RARS2: variants seen among roughly 807,000 people sequenced by gnomAD.
The protein encoded by RARS2 is arginyl-tRNA synthetase 2, mitochondrial.
In RARS2, 67 loss-of-function variants were observed where a neutral mutation model predicts 88.5. That is an observed-to-expected ratio of 0.76 (90% CI 0.62 to 0.93). The LOEUF is 0.93. RARS2 is among the 40% of genes least tolerant of loss of function. The pLI, the probability that RARS2 is intolerant of heterozygous loss-of-function variation, is 0.00. For synonymous variants in RARS2, 239 were observed against 230.3 expected (o/e 1.04, Z -0.34); for missense variants, 664 against 684.2 (o/e 0.97, Z 0.33).
chr6:87,532,428 T>C (rs114049760), intron 8 of RARS2, among the ~76,000 whole-genome samples: 2 of 152,184 alleles, frequency 1.3e-5, no homozygotes, highest in Admixed American at 6.5e-5. Flanking sequence ...TTCTGGGAGT[T>C]TGGGATTTAG....
chr6:87,516,954 G>T, intron 17 of RARS2, 74 bp from the exon 18 acceptor site: 1 of 1,593,212 alleles, frequency 6.3e-7, no homozygotes, highest in Non-Finnish European at 8.6e-7. Flanking sequence ...TTAAAAGATT[G>T]TGAATATAAG....
chr6:87,548,119 T>A (rs1438234681), intron 6 of RARS2, among the ~76,000 whole-genome samples: 1 of 152,152 alleles, frequency 6.6e-6, no homozygotes, highest in Non-Finnish European at 1.5e-5. Context: ...GGCGCACGCC[T>A]GTAATCCCAG....
chr6:87,568,971 T>C (rs565162620), intron 2 of RARS2, among the ~76,000 whole-genome samples: 1 of 152,186 alleles, frequency 6.6e-6, no homozygotes, highest in Non-Finnish European at 1.5e-5. Context: ...TCATTTAGGA[T>C]GACCAAACTC....
Position 87,521,475 on chromosome 6 carries a change from T to C in RARS2, c.1024A>G (p.Met342Val), listed in dbSNP as rs387907048. ...TTCTGATTACTTACCACATATATCA[T>C]TGTATCAAAATTATACTTGTCCATT... ...DRMDKYNFDT[M>V]IYVTDKGQKK... Residue 342 changes from methionine to valine, a missense_variant, in exon 12 of 20, where the codon ATG becomes GTG. Met to Val is a conservative substitution (Grantham distance 21). Coordinates refer to ENST00000369536, the MANE Select transcript of RARS2 (RefSeq NM_020320.5). 6 of 1,607,266 alleles carry C rather than the reference T, an allele frequency of 3.7e-6. No homozygotes were observed. Among genetic ancestry groups the C allele is most frequent in the Non-Finnish European group, 5.1e-6 (6 of 1,174,290 alleles).
Position 87,562,907 on chromosome 6 carries a change from C to T in RARS2, c.214-122G>A, listed in dbSNP as rs116637010. ...AAGTCATCTTTCATGGTCCCTATAT[C>T]GGGTCCCAGTTCTCAGGCAATCTCT... On this transcript the variant is annotated intron_variant, in intron 3 of 19. Coordinates refer to ENST00000369536, the MANE Select transcript of RARS2 (RefSeq NM_020320.5). 2.6e-3 allele frequency: 1,914 copies of T among 747,068 alleles called. 27 individuals are homozygous for T. In the African/African-American group the frequency reaches 0.029, roughly 11 times the overall value. 46.3% of individuals were successfully genotyped at this position (747,068 alleles called of 1,614,324 possible). A position where few individuals can be genotyped will look rare whatever the true frequency, so the allele number is the denominator to read the frequency against.
At position 87,521,471 on chromosome 6, in the gene RARS2, A is replaced by G. The variant is rs1271820352; in HGVS notation, c.1028T>C (p.Ile343Thr). 6.2e-7 allele frequency: 1 copy of G among 1,604,396 alleles called. No individual in the cohort carries two copies. Among genetic ancestry groups the G allele is most frequent in the African/African-American group, 1.3e-5 (1 of 74,848 alleles). ...RMDKYNFDTM[I>T]YVTDKGQKKH... ...TTTGTTCTGATTACTTACCACATAT[A>G]TCATTGTATCAAAATTATACTTGTC... The change falls in exon 12 of 20, where the codon ATA (isoleucine) becomes ACA (threonine). Residue 343 changes from isoleucine to threonine, a missense_variant. Transcript: ENST00000369536.
At chr6:87,567,807 T>C (rs986304652) in intron 2 of RARS2, among the ~76,000 whole-genome samples, 3 of 152,246 alleles carry the variant, frequency 2.0e-5, no homozygotes, top group African/African-American at 7.2e-5. Context: ...AGTCTCGCTC[T>C]GTCACCCAGG....
At chr6:87,549,552 TAAA>T (rs34784229) in intron 5 of RARS2, among the ~76,000 whole-genome samples, 3 of 139,908 alleles carry the variant, frequency 2.1e-5, no homozygotes, top group African/African-American at 7.9e-5. Context: ...TCTGTAAAAT[TAAA>T]AAAAAAAAAA....
At chr6:87,576,931 G>A (rs1771753108) in intron 1 of RARS2, among the ~76,000 whole-genome samples, 1 of 152,078 alleles carries the variant, frequency 6.6e-6, no homozygotes, top group African/African-American at 2.4e-5. Context: ...ATCATGATCT[G>A]GTCAAAGCAG....
At chr6:87,520,122 G>A (rs1773350361) in intron 13 of RARS2, 58 bp downstream of exon 13, 2 of 1,382,514 alleles carry the variant, frequency 1.4e-6, no homozygotes, top group Non-Finnish European at 2.1e-6. Context: ...TAACCACTAG[G>A]TACATTTTCA....
At chr6:87,567,533 CATTAT>C (rs923061266) in intron 2 of RARS2, among the ~76,000 whole-genome samples, 2 of 152,090 alleles carry the variant, frequency 1.3e-5, no homozygotes, top group African/African-American at 4.8e-5. Flanking sequence ...TAAATTAATT[CATTAT>C]ATTAATTAAA....
chr6:87,530,890 G>A lies in RARS2; in HGVS notation c.665C>T (p.Ala222Val). Residue 222 changes from alanine (A) to valine (V), a missense_variant, in exon 9 of 20, where the codon GCA becomes GTA. Coordinates refer to ENST00000369536, the MANE Select transcript of RARS2 (RefSeq NM_020320.5). ...CAATCGTTGGAAGAACTCCTGTGCT[G>A]CTTTTGCTACACTTTTATCATCTGC... is the stretch of plus-strand genomic sequence containing the variant. ...EAADDKSVAK[A>V]AQEFFQRLEL... 6.2e-7 allele frequency: 1 copy of A among 1,614,136 alleles called. No homozygotes were observed. The highest frequency in any genetic ancestry group is 1.1e-5 in the South Asian group (1 of 91,084).
Position 87,514,501 on chromosome 6 carries a change from T to C in RARS2, c.1651-2A>G. 8.1e-6 allele frequency: 13 copies of C among 1,606,350 alleles called. No homozygotes were observed. Among genetic ancestry groups the C allele is most frequent in the Non-Finnish European group, 1.1e-5 (13 of 1,173,070 alleles). On this transcript the variant is annotated splice_acceptor_variant, in intron 19 of 19. Coordinates refer to ENST00000369536, the MANE Select transcript of RARS2 (RefSeq NM_020320.5). LOFTEE classifies it high-confidence loss of function. ...AGCTTTGAAAAGATGAAGTCTGGCC[T>C]ACAAAATAAATCAAAGAATGATTTA...
chr6:87,534,586 C>T (rs925614081), intron 8 of RARS2, among the ~76,000 whole-genome samples: 6 of 152,158 alleles, frequency 3.9e-5, no homozygotes, highest in African/African-American at 1.4e-4. Flanking sequence ...AAAACTCATT[C>T]TAAGAGGAAG....
intron 8 of RARS2, among the ~76,000 whole-genome samples, chr6:87,539,761 CAG>C (rs1343271523): frequency 1.3e-5 from 2 of 152,158 alleles, no homozygotes; most frequent in African/African-American, 2.4e-5. Flanking sequence ...ACCCTTTCTG[CAG>C]AGAGTAAAAA....
intron 1 of RARS2, chr6:87,584,868 G>C: frequency 3.3e-6 from 1 of 301,872 alleles, no homozygotes; most frequent in Non-Finnish European, 6.6e-6. Flanking sequence ...TGCTTCAGAA[G>C]GGATGTCTAA....
intron 8 of RARS2, among the ~76,000 whole-genome samples, chr6:87,534,466 C>T (rs1778532205): frequency 6.6e-6 from 1 of 152,162 alleles, no homozygotes; most frequent in South Asian, 2.1e-4. Context: ...ACACAAGCAC[C>T]TAATAAATGT....
At chr6:87,536,407 T>C (rs1003992297) in intron 8 of RARS2, among the ~76,000 whole-genome samples, 4 of 151,936 alleles carry the variant, frequency 2.6e-5, no homozygotes, top group African/African-American at 9.7e-5. Context: ...GAGGCCAAGG[T>C]GGGCGGATCA....
rs1312745570 is a variant in RARS2, at chr6:87,535,297, TTTAC to T, written c.613-4359_613-4356del. Among the ~76,000 whole-genome samples, 3 of 152,212 alleles carry T rather than the reference TTTAC, an allele frequency of 2.0e-5. No homozygotes were observed. The East Asian group carries it at 5.8e-4, about 29-fold the overall frequency. The stretch of plus-strand genomic sequence containing the variant: ...ATGATGAGAATTTAGTCTTGAATTA[TTTAC>T]TTAAAGTTGAGAAATTGGAGACTCT... On this transcript the variant is annotated intron_variant, in intron 8 of 19. Transcript: ENST00000369536.
Sources: allele counts gnomAD v4.1 joint callset (sites outside exome capture counted in the v4.1 genomes callset), GRCh38; gene constraint gnomAD v4.1.1; transcripts MANE v1.5; gene names NCBI Gene and HGNC (gene_info 2026-07-23, HGNC 2026-07-21).